BCAS3: variants seen among roughly 807,000 people sequenced by gnomAD.
BCAS3 encodes BCAS4/BCAS3 fusion.
Under a neutral mutation model 116.1 loss-of-function variants are expected in BCAS3, and 53 were observed. The observed-to-expected ratio is 0.46, with a 90% CI of 0.37 to 0.57. The LOEUF (loss-of-function observed/expected upper bound fraction) is 0.57, where lower values mean the gene tolerates loss of function less well. BCAS3 is among the 20% of genes least tolerant of loss of function. The pLI is 0.00. For missense variants in BCAS3, 917 were observed against 1,165.4 expected, an observed-to-expected ratio of 0.79 and a Z score of 3.10; for synonymous variants, 391 against 408.2, an observed-to-expected ratio of 0.96 and a Z score of 0.51.
intron 6 of BCAS3, among the ~76,000 whole-genome samples, chr17:60,765,219 A>G (rs8066597): frequency 6.6e-6 from 1 of 151,990 alleles, no homozygotes; most frequent in African/African-American, 2.4e-5. Flanking sequence ...ATGTGTGAAT[A>G]TGATCCTGTC....
chr17:61,125,949 A>AG (rs1178334700), intron 22 of BCAS3, among the ~76,000 whole-genome samples: 1 of 152,134 alleles, frequency 6.6e-6, no homozygotes, highest in Admixed American at 6.5e-5. Flanking sequence ...AAGTGAAAAA[A>AG]CAGAGTTTAC....
chr17:60,689,909 C>T, intron 4 of BCAS3, 148 bp downstream of exon 4: 2 of 588,032 alleles, frequency 3.4e-6, no homozygotes, highest in Non-Finnish European at 6.0e-6. Flanking sequence ...AACCGCAGTA[C>T]AGAAACTTTA....
intron 7 of BCAS3, among the ~76,000 whole-genome samples, chr17:60,852,318 A>G (rs1568381087): frequency 6.6e-6 from 1 of 152,218 alleles, no homozygotes; most frequent in Non-Finnish European, 1.5e-5. Context: ...ACTCTGTAAC[A>G]TCGTTGGTTG....
chr17:60,868,603 T>G lies in BCAS3; in HGVS notation c.504T>G (p.Asp168Glu), dbSNP rs769519972. 1.3e-6 allele frequency: 2 copies of G among 1,597,776 alleles called. No homozygotes were observed. The highest frequency in any genetic ancestry group is 1.7e-6 in the Non-Finnish European group (2 of 1,174,516). The change falls in exon 8 of 24, where the codon GAT becomes GAG. Residue 168 changes from aspartate to glutamate, a missense_variant. By Grantham distance (45) the Asp-to-Glu change is conservative. Transcript: ENST00000407086. ...CAAGCCCACCGTACTGTTGTGTGGA[T>G]CTGTATTCACTTCGTACTGGGGAGA... ...SGTSPPYCCVDLYSLRTGEMV... is the reference protein window; with the variant it reads ...SGTSPPYCCVELYSLRTGEMV...
Position 60,851,682 on chromosome 17 carries a change from A to G in BCAS3, c.477-16894A>G, listed in dbSNP as rs548911838. 3.5e-5 allele frequency: 28 copies of G among 794,350 alleles called. No individual in the cohort carries two copies. The East Asian group carries it at 6.4e-4, about 18-fold the overall frequency. 49.2% of individuals were successfully genotyped at this position (794,350 alleles called of 1,614,324 possible). A position where few individuals can be genotyped will look rare whatever the true frequency, so the allele number is the denominator to read the frequency against. The stretch of plus-strand genomic sequence containing the variant: ...AAGATTTACCTGCAGAAAAGGGGGA[A>G]ATGAAAACTGAGGGGAGTCCAGCCT... On this transcript the variant is annotated intron_variant, in intron 7 of 23. Coordinates refer to ENST00000407086, the MANE Select transcript of BCAS3 (RefSeq NM_017679.5).
intron 22 of BCAS3, among the ~76,000 whole-genome samples, chr17:61,101,524 G>A (rs1601240153): frequency 6.6e-6 from 1 of 152,058 alleles, no homozygotes; most frequent in Non-Finnish European, 1.5e-5. Context: ...ATGGATTAAA[G>A]CTTAAAACAT....
intron 9 of BCAS3, chr17:60,887,099 T>G (rs981148666): frequency 6.5e-6 from 1 of 154,380 alleles, no homozygotes; most frequent in African/African-American, 2.4e-5. Context: ...TCAGCGAGAC[T>G]CCGTGGGCGT....
intron 22 of BCAS3, among the ~76,000 whole-genome samples, chr17:61,232,130 G>A (rs377493342): frequency 3.1e-4 from 45 of 146,486 alleles, no homozygotes; most frequent in African/African-American, 1.1e-3. Flanking sequence ...GCGTGAACCC[G>A]GAAGGCAGAG....
rs2055730166 is a variant in BCAS3 at position 61,326,398 on chromosome 17, A to G, written c.2426-41929A>G. On this transcript the variant is annotated intron_variant, in intron 22 of 23. Transcript: ENST00000407086. This position sits in a 1 kb window ranked among gnomAD's most constrained non-coding sequence, Gnocchi z 5.3. ...GGGTGACTGTGGGGTCTTGCTGCTC[A>G]TGTGGACTTTAGTTTTATCCTAAAT... Among the ~76,000 whole-genome samples, 1 of 152,296 alleles carries G rather than the reference A, an allele frequency of 6.6e-6. No homozygotes were observed. Among genetic ancestry groups the G allele is most frequent in the South Asian group, 2.1e-4 (1 of 4,818 alleles).
Position 61,051,536 on chromosome 17 carries a change from C to T in BCAS3, c.2029+10644C>T, listed in dbSNP as rs2068855899. Among the ~76,000 whole-genome samples the T allele has an allele frequency of 6.6e-6, 1 of 152,174 alleles. No homozygotes were observed. Among genetic ancestry groups the T allele is most frequent in the Non-Finnish European group, 1.5e-5 (1 of 68,036 alleles). ...TGATTTTGCAACTGAGTGAAAGGTA[C>T]ACAGAGTATCACTGTACTATTTTGC... On this transcript the variant is annotated intron_variant, in intron 19 of 23. Transcript: ENST00000407086. The surrounding 1 kb of genome is among the most constrained non-coding windows in gnomAD (Gnocchi z 4.1).
At chr17:60,904,241 TA>T (rs535570737) in intron 11 of BCAS3, among the ~76,000 whole-genome samples, 104 of 151,764 alleles carry the variant, frequency 6.9e-4, no homozygotes, top group African/African-American at 2.2e-3. Context: ...CCGTCTCTAC[TA>T]AAAATACAAA....
intron 15 of BCAS3, among the ~76,000 whole-genome samples, chr17:61,005,602 C>G (rs1052548448): frequency 5.3e-5 from 8 of 151,808 alleles, no homozygotes; most frequent in African/African-American, 1.9e-4. Context: ...TGAAATAGAG[C>G]CAGAAAATAT....
intron 22 of BCAS3, among the ~76,000 whole-genome samples, chr17:61,138,089 A>T (rs1378651837): frequency 6.6e-6 from 1 of 152,234 alleles, no homozygotes; most frequent in Non-Finnish European, 1.5e-5. Context: ...ATAGCACTGT[A>T]TGGTAAAACT....
chr17:61,322,834 G>GAGAGAGAGAGAGAGAGAGAC (rs1568850645), intron 22 of BCAS3, among the ~76,000 whole-genome samples: 33 of 131,826 alleles, frequency 2.5e-4, no homozygotes, highest in African/African-American at 1.1e-3. Context: ...GAGAGACAGA[G>GAGAGAGAGAGAGAGAGAGAC]AGAGAGAGAG....
intron 6 of BCAS3, among the ~76,000 whole-genome samples, chr17:60,797,727 T>C (rs1426723168): frequency 6.6e-6 from 1 of 152,098 alleles, no homozygotes; most frequent in African/African-American, 2.4e-5. Context: ...TGTTCTTCTC[T>C]CTGTGTGCAT....
chr17:61,341,348 C>T (rs1293805593), intron 22 of BCAS3, among the ~76,000 whole-genome samples: 2 of 152,160 alleles, frequency 1.3e-5, no homozygotes, highest in South Asian at 4.1e-4. Flanking sequence ...CCGGGGCAGG[C>T]GGTGTCCTCA....
At chr17:60,793,939 G>C (rs1044159622) in intron 6 of BCAS3, among the ~76,000 whole-genome samples, 3 of 152,126 alleles carry the variant, frequency 2.0e-5, no homozygotes, top group African/African-American at 7.2e-5. Context: ...TGAGATGCTG[G>C]ATCAAATGGT....
intron 11 of BCAS3, among the ~76,000 whole-genome samples, chr17:60,905,534 ACT>A (rs1250953835): frequency 6.6e-6 from 1 of 152,020 alleles, no homozygotes; most frequent in African/African-American, 2.4e-5. Context: ...GTTTCTGATA[ACT>A]CTAATGTCTG....
At chr17:61,138,898 A>G (rs1479409780) in intron 22 of BCAS3, among the ~76,000 whole-genome samples, 1 of 152,218 alleles carries the variant, frequency 6.6e-6, no homozygotes, top group Non-Finnish European at 1.5e-5. Context: ...TGAAGATAAG[A>G]AAATTATAAT....
Sources: allele counts gnomAD v4.1 joint callset (sites outside exome capture counted in the v4.1 genomes callset), GRCh38; gene constraint gnomAD v4.1.1; non-coding constraint Gnocchi (gnomAD v3.1); transcripts MANE v1.5; gene names NCBI Gene and HGNC (gene_info 2026-07-23, HGNC 2026-07-21).